Variants in DMD observed in about 807,000 individuals in gnomAD.
DMD encodes dystrophin.
A neutral mutation model predicts 330.1 loss-of-function variants in DMD; 63 were observed. The ratio of observed to expected loss-of-function variants is 0.19; its 90% CI spans 0.16 to 0.24. The LOEUF (loss-of-function observed/expected upper bound fraction) is 0.24. Ranked by LOEUF, DMD falls within the 10% of genes least tolerant of loss-of-function variation. DMD has a pLI of 1.00. For missense variants in DMD, 3,344 were observed against 2,684.1 expected (o/e 1.25, Z -5.43); for synonymous variants, 1,223 against 959.8 (o/e 1.27, Z -5.07).
At chrX:32,512,995 C>A (rs2045492852) in intron 18 of DMD, among the ~76,000 whole-genome samples, 1 of 111,705 alleles carries the variant, frequency 9.0e-6, no homozygotes, top group Non-Finnish European at 1.9e-5. Flanking sequence ...AGTAAAGAAG[C>A]ATAATGTGTC....
chrX:31,722,470 C>A (rs906573725), intron 52 of DMD, among the ~76,000 whole-genome samples: 3 of 110,869 alleles, frequency 2.7e-5, no homozygotes, highest in Non-Finnish European at 5.7e-5. Context: ...TTCACTATCT[C>A]TTTATACTTC....
At chrX:31,384,711 C>T (rs987572069) in intron 60 of DMD, among the ~76,000 whole-genome samples, 4 of 111,597 alleles carry the variant, frequency 3.6e-5, no homozygotes, top group African/African-American at 1.3e-4. Context: ...ATGTGGAAAG[C>T]TCTGCTCTCA....
chrX:32,842,504 A>G (rs773300331), intron 4 of DMD, among the ~76,000 whole-genome samples: 145 of 109,744 alleles, frequency 1.3e-3, no homozygotes, highest in Non-Finnish European at 2.3e-3. Flanking sequence ...ATGTGTGCCC[A>G]AAAAACCTCC....
intron 44 of DMD, among the ~76,000 whole-genome samples, chrX:32,196,881 G>C (rs1469511344): frequency 9.4e-6 from 1 of 106,730 alleles, no homozygotes; most frequent in African/African-American, 3.4e-5. Flanking sequence ...AGCTACTCGG[G>C]AGGCTGAGGC....
chrX:32,580,488 G>C (rs1166517194), intron 13 of DMD, among the ~76,000 whole-genome samples: 1 of 111,856 alleles, frequency 8.9e-6, no homozygotes, highest in Non-Finnish European at 1.9e-5. Flanking sequence ...CAGTGAAATA[G>C]AGATAATAGT....
intron 44 of DMD, among the ~76,000 whole-genome samples, chrX:32,177,628 ATCTC>A (rs774578450): frequency 3.8e-5 from 4 of 104,736 alleles, no homozygotes; most frequent in Non-Finnish European, 3.9e-5. Context: ...CTCTCTCTCA[ATCTC>A]TCTCTCTCTC....
chrX:33,305,333 C>T (rs181536938), intron 1 of DMD, among the ~76,000 whole-genome samples: 16,344 of 102,400 alleles, frequency 0.16, 1,257 homozygotes, highest in Admixed American at 0.24. Flanking sequence ...AACCAAACAC[C>T]GCATGTTCTC....
At chrX:31,218,221 C>CTT (rs138180556) in intron 64 of DMD, among the ~76,000 whole-genome samples, 41 of 97,623 alleles carry the variant, frequency 4.2e-4, no homozygotes, top group South Asian at 9.2e-4. Context: ...TTCTGGGTTT[C>CTT]TTTTTTTTTT....
chrX:31,226,650 T>C (rs1217251195), intron 63 of DMD, among the ~76,000 whole-genome samples: 1 of 111,222 alleles, frequency 9.0e-6, no homozygotes, highest in Non-Finnish European at 1.9e-5. Context: ...CTTACTTTTT[T>C]AAGTGGTCTC....
At chrX:32,442,776 C>T (rs754461134) in intron 27 of DMD, among the ~76,000 whole-genome samples, 3 of 110,275 alleles carry the variant, frequency 2.7e-5, no homozygotes, top group South Asian at 3.8e-4. Flanking sequence ...AAAAATATAC[C>T]GTCATCTTTA....
chrX:32,968,242 C>T (rs778731238), intron 2 of DMD, among the ~76,000 whole-genome samples: 44 of 64,527 alleles, frequency 6.8e-4, no homozygotes, highest in African/African-American at 4.2e-3. Flanking sequence ...TTCCAACTTT[C>T]AAACAGATTT....
chrX:32,488,735 C>A (rs760380702), intron 20 of DMD, among the ~76,000 whole-genome samples: 1 of 111,012 alleles, frequency 9.0e-6, no homozygotes, highest in Non-Finnish European at 1.9e-5. Flanking sequence ...TATATAAAAC[C>A]TCTGGTGATC....
At chrX:32,415,348 C>T (rs756691422) in intron 29 of DMD, among the ~76,000 whole-genome samples, 1 of 111,870 alleles carries the variant, frequency 8.9e-6, no homozygotes, top group East Asian at 2.8e-4. Flanking sequence ...CTTTTCCTGG[C>T]CTGACAGTCA....
chrX:31,331,911 T>C (rs746122222), intron 61 of DMD, among the ~76,000 whole-genome samples: 1 of 111,945 alleles, frequency 8.9e-6, no homozygotes, highest in South Asian at 3.7e-4. Flanking sequence ...TGATCATAGA[T>C]GGGATGTACA....
chrX:32,558,064 G>C lies in DMD; in HGVS notation c.1992+7638C>G, dbSNP rs2050525460. On this transcript the variant is annotated intron_variant, in intron 16 of 78. Transcript: ENST00000357033. ...GTCAAATACTTAGAAGGCATCATAA[G>C]TCATTTGTTTCTTCGAAATAAATAT... Among the ~76,000 whole-genome samples the C allele has an allele frequency of 6.3e-5, 7 of 110,409 alleles. No homozygotes were observed. The South Asian group carries it at 2.7e-3, about 42-fold the overall frequency.
intron 1 of DMD, among the ~76,000 whole-genome samples, chrX:33,133,790 G>A (rs1384640340): frequency 8.9e-6 from 1 of 112,038 alleles, no homozygotes; most frequent in African/African-American, 3.2e-5. Flanking sequence ...TCACTGTGGT[G>A]TGTGTCTGTT....
In DMD at chrX:33,153,271, A is replaced by G. The variant is rs564025572; in HGVS notation, c.31+58011T>C. The stretch of plus-strand genomic sequence containing the variant: ...ATTAAAAATACAAAGTTAGCCGGGC[A>G]TGGTAGTGCATTGCCTATAATCCCA... On this transcript the variant is annotated intron_variant, in intron 1 of 78. Coordinates refer to ENST00000357033, the MANE Select transcript of DMD (RefSeq NM_004006.3). 1.5e-4 allele frequency among the ~76,000 whole-genome samples: 17 copies of G among 112,402 alleles called. 1 individual carries two copies. The highest frequency in any genetic ancestry group is 1.2e-3 in the Admixed American group (13 of 10,602).
chrX:32,332,744 T>C (rs376535170), intron 41 of DMD, among the ~76,000 whole-genome samples: 142 of 111,249 alleles, frequency 1.3e-3, no homozygotes, highest in African/African-American at 4.5e-3. Flanking sequence ...TGGGAATTCA[T>C]TGAAGGATTA....
intron 44 of DMD, among the ~76,000 whole-genome samples, chrX:32,164,339 A>C (rs1484900409): frequency 1.8e-5 from 2 of 111,814 alleles, no homozygotes; most frequent in Non-Finnish European, 1.9e-5. Flanking sequence ...AATGGTTTTG[A>C]CCAAAATGCT....
Sources: allele counts gnomAD v4.1 joint callset (sites outside exome capture counted in the v4.1 genomes callset), GRCh38; gene constraint gnomAD v4.1.1; transcripts MANE v1.5; gene names NCBI Gene and HGNC (gene_info 2026-07-23, HGNC 2026-07-21).